HSD11B1: variants seen among roughly 807,000 people sequenced by gnomAD.
HSD11B1 encodes 11-beta-hydroxysteroid dehydrogenase 1.
In HSD11B1, 15 loss-of-function variants were observed where a neutral mutation model predicts 22.1. The observed-to-expected ratio is 0.68, with a 90% CI of 0.45 to 1.04. HSD11B1 has a LOEUF of 1.04. Ranked by LOEUF, HSD11B1 falls within the 50% of genes least tolerant of loss-of-function variation. The probability of loss-of-function intolerance (pLI) is 0.00; values close to 1 mark genes in which losing one functional copy is unlikely to be tolerated. For synonymous variants in HSD11B1, 122 were observed against 125.2 expected, an observed-to-expected ratio of 0.97 and a Z score of 0.17; for missense variants, 281 against 357.6, an observed-to-expected ratio of 0.79 and a Z score of 1.73.
chr1:209,714,575 A>G (rs1571877960), intron 4 of HSD11B1, among the ~76,000 whole-genome samples: 1 of 152,210 alleles, frequency 6.6e-6, no homozygotes, highest in Middle Eastern at 3.4e-3. Flanking sequence ...TTTTCCCTCC[A>G]TATTTCCTTT....
In HSD11B1 at chr1:209,706,083, C is replaced by T. The variant is rs1558190309; in HGVS notation, c.219+142C>T. 1 of 1,071,682 alleles carries T rather than the reference C, an allele frequency of 9.3e-7. No homozygotes were observed. Among genetic ancestry groups the T allele is most frequent in the Non-Finnish European group, 1.4e-6 (1 of 712,794 alleles). The allele number at this position is 1,071,682 out of a possible 1,614,324, so 66.4% of individuals were successfully genotyped here. The stretch of plus-strand genomic sequence containing the variant: ...ACACACACAGACACTTAATTTTGCA[C>T]TCTCATATATAGATTCAAACACCAA... On this transcript the variant is annotated intron_variant, in intron 2 of 5. Transcript: ENST00000367027. The surrounding 1 kb of genome is among the most constrained non-coding windows in gnomAD (Gnocchi z 4.0).
At chr1:209,701,080 G>A (rs1453614004), upstream of HSD11B1, among the ~76,000 whole-genome samples, 1 of 152,152 alleles carries the variant, frequency 6.6e-6, no homozygotes, top group South Asian at 2.1e-4. Flanking sequence ...ACCTCTGCCT[G>A]TTACCCAGTT....
upstream of HSD11B1, among the ~76,000 whole-genome samples, chr1:209,700,355 G>A (rs1053389249): frequency 7.2e-5 from 11 of 152,192 alleles, no homozygotes; most frequent in Admixed American, 1.3e-4. Flanking sequence ...AACACCACGC[G>A]GAAGCTTCCA....
At chr1:209,713,152 T>C (rs2076908984) in intron 4 of HSD11B1, among the ~76,000 whole-genome samples, 1 of 152,222 alleles carries the variant, frequency 6.6e-6, no homozygotes, top group Non-Finnish European at 1.5e-5. Context: ...AAAACATTTG[T>C]TGTAGGATTT....
chr1:209,689,706 C>T (rs2102350918), intron 1 of HSD11B1, among the ~76,000 whole-genome samples: 1 of 152,316 alleles, frequency 6.6e-6, no homozygotes. Flanking sequence ...GGACTTCTGC[C>T]ATGAGTGGAA....
At chr1:209,725,225 T>C (rs775155693) in intron 4 of HSD11B1, among the ~76,000 whole-genome samples, 4 of 152,232 alleles carry the variant, frequency 2.6e-5, no homozygotes, top group Non-Finnish European at 5.9e-5. Context: ...AATTCCATAA[T>C]ACATCTGGCT....
upstream of HSD11B1, among the ~76,000 whole-genome samples, chr1:209,703,093 C>T (rs1437367291): frequency 1.3e-5 from 2 of 152,172 alleles, no homozygotes; most frequent in Non-Finnish European, 2.9e-5. Context: ...TGTTCTATTA[C>T]TCTGCAGTTT....
chr1:209,705,196 A>T (rs183653856), intron 1 of HSD11B1, among the ~76,000 whole-genome samples, 166 bp downstream of exon 1: 193 of 152,212 alleles, frequency 1.3e-3, no homozygotes, highest in African/African-American at 4.1e-3. Flanking sequence ...GGCTGTGGAC[A>T]GGGGGGACTG....
At chr1:209,698,446 C>A (rs1328248993) in intron 1 of HSD11B1, among the ~76,000 whole-genome samples, 2 of 152,188 alleles carry the variant, frequency 1.3e-5, no homozygotes, top group African/African-American at 4.8e-5. Flanking sequence ...TGGTGTCACC[C>A]TAGCGTGCTT....
intron 1 of HSD11B1, among the ~76,000 whole-genome samples, chr1:209,696,393 T>G (rs2076791723): frequency 6.6e-6 from 1 of 152,204 alleles, no homozygotes; most frequent in South Asian, 2.1e-4. Context: ...CATGTCAGTT[T>G]CAGCATGATG....
At chr1:209,697,142 A>G (rs1044049203) in intron 1 of HSD11B1, among the ~76,000 whole-genome samples, 1 of 152,192 alleles carries the variant, frequency 6.6e-6, no homozygotes, top group Non-Finnish European at 1.5e-5. Context: ...TTGCCTCTCC[A>G]GGCTTCTTAC....
intron 1 of HSD11B1, among the ~76,000 whole-genome samples, chr1:209,695,222 AC>A (rs1195730275): frequency 3.3e-5 from 5 of 152,162 alleles, no homozygotes; most frequent in Non-Finnish European, 5.9e-5. Flanking sequence ...AGTCAATTAA[AC>A]TTCTTTTTTT....
At chr1:209,692,392 T>C (rs2076765222) in intron 1 of HSD11B1, among the ~76,000 whole-genome samples, 1 of 151,614 alleles carries the variant, frequency 6.6e-6, no homozygotes. Flanking sequence ...AAATACACCA[T>C]GGGAAGTGAG....
Position 209,697,884 on chromosome 1 carries a change from C to CTTTT in HSD11B1, c.-48-6984_-48-6981dup, listed in dbSNP as rs988076432. ...GAATGATTAATGGTTTTGTTTTTTC[C>CTTTT]TTTTTTTTTTTTTTTTTTTTTTTTT... On this transcript the variant is annotated intron_variant, in intron 1 of 6. Coordinates refer to the HSD11B1 transcript ENST00000261465. 4.0e-3 allele frequency among the ~76,000 whole-genome samples: 165 copies of CTTTT among 41,590 alleles called. 29 individuals carry two copies. The highest frequency in any genetic ancestry group is 8.4e-3 in the East Asian group (12 of 1,426). The allele number at this position is 41,590 out of a possible 152,430, so 27.3% of individuals were successfully genotyped here. A position where few individuals can be genotyped will look rare whatever the true frequency, so the allele number is the denominator to read the frequency against.
At chr1:209,710,812 C>T (rs746026369) in intron 4 of HSD11B1, among the ~76,000 whole-genome samples, 1 of 152,208 alleles carries the variant, frequency 6.6e-6, no homozygotes, top group South Asian at 2.1e-4. Flanking sequence ...TCTTGAGAAG[C>T]TCCATAAGTG....
At chr1:209,703,754 C>T (rs568917479), upstream of HSD11B1, among the ~76,000 whole-genome samples, 124 of 152,316 alleles carry the variant, frequency 8.1e-4, no homozygotes, top group Middle Eastern at 3.4e-3. Context: ...TACTTATTAT[C>T]ACATTTAAAT....
rs554862870 is a variant in HSD11B1, at chr1:209,734,397, G to A, written c.755G>A (p.Arg252His). 13 of 1,614,120 alleles carry A rather than the reference G, an allele frequency of 8.1e-6. No homozygotes were observed. Among genetic ancestry groups the A allele is most frequent in the South Asian group, 3.3e-5 (3 of 91,086 alleles). ...GAGATCATCAAAGGGGGAGCTCTGC[G>A]CCAAGAAGAAGTGTATTATGACAGC... is the stretch of plus-strand genomic sequence containing the variant. ...ALEIIKGGAL[R>H]QEEVYYDSSL... Residue 252 changes from arginine to histidine, a missense_variant, in exon 6 of 6, where the codon CGC becomes CAC. Transcript: ENST00000367027.
At chr1:209,732,632 G>T in intron 5 of HSD11B1, 53 bp downstream of exon 5, 2 of 1,472,618 alleles carry the variant, frequency 1.4e-6, no homozygotes, top group Non-Finnish European at 1.9e-6. Context: ...AAGTTCTAGG[G>T]TACATGTGCA....
intron 4 of HSD11B1, among the ~76,000 whole-genome samples, chr1:209,722,830 C>G (rs528227622): frequency 9.2e-5 from 14 of 152,242 alleles, no homozygotes; most frequent in African/African-American, 3.4e-4. Flanking sequence ...TTGTGCACTC[C>G]CCTCTGAGCA....
Sources: gnomAD v4.1 joint callset for allele counts (sites outside exome capture counted in the v4.1 genomes callset) on GRCh38, gnomAD v4.1.1 for gene constraint, Gnocchi (gnomAD v3.1) non-coding constraint, MANE v1.5 for transcripts, NCBI Gene and HGNC (gene_info 2026-07-23, HGNC 2026-07-21) for gene names.